The following TBXAS1 variants were observed in gnomAD, a reference collection of about 807,000 sequenced individuals.
The protein encoded by TBXAS1 is thromboxane A synthase 1, also known as thromboxane-A synthase.
In TBXAS1, 48 loss-of-function variants were observed where a neutral mutation model predicts 60.7. The ratio of observed to expected loss-of-function variants is 0.79; its 90% CI spans 0.63 to 1.01. The LOEUF (loss-of-function observed/expected upper bound fraction) is 1.01. TBXAS1 is among the 50% of genes least tolerant of loss of function. The pLI is 0.00. For missense variants in TBXAS1, 685 were observed against 686.3 expected, an observed-to-expected ratio of 1.00 and a Z score of 0.02; for synonymous variants, 287 against 269.7, an observed-to-expected ratio of 1.06 and a Z score of -0.63.
At chr7:139,867,089 T>A (rs1021647098) in intron 1 of TBXAS1, among the ~76,000 whole-genome samples, 2 of 152,242 alleles carry the variant, frequency 1.3e-5, no homozygotes, top group Non-Finnish European at 2.9e-5. Context: ...GGCATGCGTG[T>A]TGAAACCATA....
In TBXAS1 at chr7:139,791,251, G is replaced by A. The variant is rs368987705; in HGVS notation, c.-80+3825G>A. ...CTAACACAATGAAAGTTTATTTCTC[G>A]TTCTGACAACAGTCAGCATAGGGGT... On this transcript the variant is annotated intron_variant, in intron 4 of 16. Transcript: ENST00000336425. Among the ~76,000 whole-genome samples the A allele has an allele frequency of 4.6e-5, 7 of 152,194 alleles. No homozygotes were observed. In the East Asian group the frequency reaches 1.2e-3, roughly 25 times the overall value.
At chr7:139,809,311 A>G (rs1454906277) in intron 4 of TBXAS1, among the ~76,000 whole-genome samples, 1 of 145,200 alleles carries the variant, frequency 6.9e-6, no homozygotes, top group Non-Finnish European at 1.5e-5. Context: ...AGACACAACC[A>G]ATAGGAGATT....
In TBXAS1 at chr7:139,999,032, AC is replaced by A. The variant is rs749886244; in HGVS notation, c.1135-8058del. Among the ~76,000 whole-genome samples the A allele has an allele frequency of 4.8e-4, 73 of 152,242 alleles. No homozygotes were observed. Among genetic ancestry groups the A allele is most frequent in the Non-Finnish European group, 1.2e-4 (8 of 68,040 alleles). Reference sequence around the variant, plus strand: ...CAAATTATTGAAGCTAGCACAGAGAACTTTCTGGGCATTGGCCAGGGAAGCC... The same window carrying A: ...CAAATTATTGAAGCTAGCACAGAGAATTTCTGGGCATTGGCCAGGGAAGCC... On this transcript the variant is annotated intron_variant, in intron 9 of 12. Transcript: ENST00000448866. This position sits in a 1 kb window ranked among gnomAD's most constrained non-coding sequence, Gnocchi z 4.3.
upstream of TBXAS1, among the ~76,000 whole-genome samples, chr7:139,828,905 G>C (rs1451705874): frequency 6.6e-6 from 1 of 152,162 alleles, no homozygotes; most frequent in African/African-American, 2.4e-5. Context: ...GGGATATTCA[G>C]AATCTCTTGA....
In TBXAS1 at chr7:139,974,498, A is replaced by G. The variant is rs561762860; in HGVS notation, c.1134+12265A>G. ...ACCCCGAGACCTGGGTGCTAGCATCATCCCCGCCATGAGAGCACACGGGGC... is the reference window on the plus strand; with the variant it reads ...ACCCCGAGACCTGGGTGCTAGCATCGTCCCCGCCATGAGAGCACACGGGGC... On this transcript the variant is annotated intron_variant, in intron 9 of 12. Coordinates refer to ENST00000448866, the MANE Select transcript of TBXAS1 (RefSeq NM_001061.7). Among the ~76,000 whole-genome samples, 15 of 152,226 alleles carry G rather than the reference A, an allele frequency of 9.9e-5. No individual in the cohort carries two copies. The South Asian group carries it at 3.1e-3, about 32-fold the overall frequency.
chr7:139,973,917 G>C (rs942443729), intron 9 of TBXAS1, among the ~76,000 whole-genome samples: 33 of 152,102 alleles, frequency 2.2e-4, no homozygotes, highest in Non-Finnish European at 4.3e-4. Context: ...GACCAAACAG[G>C]GGCCAGAGCT....
chr7:140,011,743 C>T (rs1166346509), intron 10 of TBXAS1, among the ~76,000 whole-genome samples: 1 of 152,064 alleles, frequency 6.6e-6, no homozygotes, highest in Admixed American at 6.6e-5. Context: ...GGAAAAAGTT[C>T]TGGAGATGGA....
chr7:139,893,260 T>C (rs780063646), intron 3 of TBXAS1, among the ~76,000 whole-genome samples: 2 of 151,282 alleles, frequency 1.3e-5, no homozygotes, highest in Non-Finnish European at 2.9e-5. Context: ...CACACATCAT[T>C]TGGGGAGAGA....
chr7:139,784,135 G>T (rs755603215), intron 3 of TBXAS1, among the ~76,000 whole-genome samples: 1 of 147,268 alleles, frequency 6.8e-6, no homozygotes. Context: ...CTTCCTGCCT[G>T]CCTGCCTGCC....
chr7:139,835,396 C>G (rs951070595), intron 1 of TBXAS1, among the ~76,000 whole-genome samples: 1 of 152,134 alleles, frequency 6.6e-6, no homozygotes, highest in African/African-American at 2.4e-5. Flanking sequence ...GAAATACTAG[C>G]TAACCAAATC....
chr7:139,992,694 C>G (rs1293111100), intron 9 of TBXAS1, among the ~76,000 whole-genome samples: 2 of 152,224 alleles, frequency 1.3e-5, no homozygotes, highest in Non-Finnish European at 2.9e-5. Flanking sequence ...TCGTTTCCTC[C>G]CTGCAAAGGG....
At chr7:139,969,238 G>A (rs1404044345) in intron 9 of TBXAS1, among the ~76,000 whole-genome samples, 1 of 152,168 alleles carries the variant, frequency 6.6e-6, no homozygotes, top group Non-Finnish European at 1.5e-5. Flanking sequence ...TAGAAGGAAG[G>A]CCAAATTCTT....
intron 3 of TBXAS1, among the ~76,000 whole-genome samples, chr7:139,880,242 G>T (rs76302137): frequency 3.9e-5 from 6 of 151,932 alleles, no homozygotes. Flanking sequence ...CCTTATCCCC[G>T]TTTCTTCTTC....
chr7:139,966,714 T>C (rs1005883242), intron 9 of TBXAS1, among the ~76,000 whole-genome samples: 3 of 152,244 alleles, frequency 2.0e-5, no homozygotes, highest in South Asian at 2.1e-4. Flanking sequence ...TCTGGTCATT[T>C]TGGGGGGCAT....
intron 2 of TBXAS1, 145 bp downstream of exon 2, chr7:139,872,473 G>A: frequency 1.4e-6 from 1 of 723,096 alleles, no homozygotes; most frequent in Non-Finnish European, 2.4e-6. Flanking sequence ...TGACCAACAT[G>A]GTGAAACCCC....
At chr7:139,959,461 T>C (rs1810153305) in intron 8 of TBXAS1, among the ~76,000 whole-genome samples, 1 of 152,272 alleles carries the variant, frequency 6.6e-6, no homozygotes, top group African/African-American at 2.4e-5. Flanking sequence ...ACCGTTTCAG[T>C]CCTCAATGGG....
intron 11 of TBXAS1, 78 bp downstream of exon 11, chr7:140,015,938 C>T (rs920544041): frequency 5.6e-6 from 9 of 1,601,502 alleles, no homozygotes; most frequent in Middle Eastern, 1.7e-4. Context: ...AGGCAGCAGC[C>T]GGGAGGCACA....
intron 4 of TBXAS1, among the ~76,000 whole-genome samples, chr7:139,810,117 A>G (rs1797990114): frequency 6.6e-6 from 1 of 150,468 alleles, no homozygotes; most frequent in African/African-American, 2.5e-5. Flanking sequence ...GCTCACTGCA[A>G]CCTCTGTTTC....
intron 5 of TBXAS1, among the ~76,000 whole-genome samples, chr7:139,943,877 A>T (rs2284209): frequency 0.8 from 122,349 of 152,008 alleles, 49,825 homozygotes; most frequent in African/African-American, 0.94. Flanking sequence ...TTTTCATTTT[A>T]AAAAAAAACC....
Sources: gnomAD v4.1 joint callset for allele counts (sites outside exome capture counted in the v4.1 genomes callset) on GRCh38, gnomAD v4.1.1 for gene constraint, Gnocchi (gnomAD v3.1) non-coding constraint, MANE v1.5 for transcripts, NCBI Gene and HGNC (gene_info 2026-07-23, HGNC 2026-07-21) for gene names.